Variants in TMEM156 observed in about 807,000 individuals in gnomAD.
TMEM156 encodes the protein transmembrane protein 156.
Under a neutral mutation model 30.5 loss-of-function variants are expected in TMEM156, and 28 were observed. The ratio of observed to expected loss-of-function variants is 0.92; its 90% confidence interval spans 0.68 to 1.26. TMEM156 has a LOEUF of 1.26. Ranked by LOEUF, TMEM156 falls within the 50% of genes most tolerant of loss-of-function variation. The pLI, the probability that TMEM156 is intolerant of heterozygous loss-of-function variation, is 0.00. For missense variants in TMEM156, 351 were observed against 340.6 expected (o/e 1.03, Z -0.24); for synonymous variants, 137 against 119.9 (o/e 1.14, Z -0.93).
chr4:39,014,917 G>A (rs574668699), intron 1 of TMEM156, among the ~76,000 whole-genome samples: 2 of 152,112 alleles, frequency 1.3e-5, no homozygotes, highest in Admixed American at 1.3e-4. Flanking sequence ...AGTTTGGCAG[G>A]AATTGCCTGG....
At chr4:38,993,017 T>C (rs1424720766) in intron 3 of TMEM156, among the ~76,000 whole-genome samples, 5 of 151,198 alleles carry the variant, frequency 3.3e-5, no homozygotes, top group Non-Finnish European at 5.9e-5. Flanking sequence ...CACCTCAGCC[T>C]CCCAAAGTGC....
chr4:38,976,562 C>T (rs776723108), intron 5 of TMEM156, among the ~76,000 whole-genome samples: 3 of 152,158 alleles, frequency 2.0e-5, no homozygotes, highest in African/African-American at 4.8e-5. Context: ...GGTTAAGCCA[C>T]GCACAGATAT....
intron 5 of TMEM156, among the ~76,000 whole-genome samples, chr4:38,982,995 T>A (rs1711697425): frequency 6.6e-6 from 1 of 152,174 alleles, no homozygotes; most frequent in Non-Finnish European, 1.5e-5. Flanking sequence ...GGAGTACCAC[T>A]GTATGGCCTC....
rs1560363950 is a variant in TMEM156 at position 38,989,103 on chromosome 4, A to G, written c.620-133T>C. The G allele has an allele frequency of 3.6e-6, 3 of 834,146 alleles. No homozygotes were observed. The East Asian group carries it at 7.8e-5, about 22-fold the overall frequency. The allele number at this position is 834,146 out of a possible 1,614,324, so 51.7% of individuals were successfully genotyped here. ...AGCTGAAATTATGACCATCACTGTT[A>G]CAGGGTCACTAGCTCTCCTGAATTC... On this transcript the variant is annotated intron_variant, in intron 3 of 6. Transcript: ENST00000381938.
At chr4:38,999,384 T>C (rs1047228113) in intron 1 of TMEM156, among the ~76,000 whole-genome samples, 1 of 152,192 alleles carries the variant, frequency 6.6e-6, no homozygotes, top group Non-Finnish European at 1.5e-5. Context: ...AGAAGAGGTG[T>C]CTTTATAAAG....
At chr4:38,990,713 G>C (rs191583553) in intron 3 of TMEM156, among the ~76,000 whole-genome samples, 27 of 151,962 alleles carry the variant, frequency 1.8e-4, no homozygotes, top group Admixed American at 8.5e-4. Context: ...TTATCTCAGA[G>C]TAAATTTGCC....
intron 1 of TMEM156, among the ~76,000 whole-genome samples, chr4:39,003,043 A>C (rs917140523): frequency 1.3e-5 from 2 of 152,198 alleles, no homozygotes; most frequent in Non-Finnish European, 2.9e-5. Context: ...TAATAAAAAA[A>C]TTTAAAAAAT....
Position 39,032,316 on chromosome 4 carries a change from C to G in TMEM156, c.-3G>C, listed in dbSNP as rs1471383193. ...TTAAGGAGGGCTGTTTTTGTCATGT[C>G]TCTTCACATGACACAAATGTGTTCC... On this transcript the variant is annotated 5_prime_UTR_variant, in exon 1 of 7. Coordinates refer to ENST00000381938, the MANE Select transcript of TMEM156 (RefSeq NM_024943.3). 6.3e-7 allele frequency: 1 copy of G among 1,580,116 alleles called. No individual in the cohort carries two copies. Among genetic ancestry groups the G allele is most frequent in the East Asian group, 2.2e-5 (1 of 44,600 alleles).
intron 1 of TMEM156, among the ~76,000 whole-genome samples, chr4:39,004,752 T>G (rs1035191555): frequency 6.6e-6 from 1 of 152,188 alleles, no homozygotes; most frequent in African/African-American, 2.4e-5. Flanking sequence ...TGAATAATGT[T>G]GCTGTGAACT....
At chr4:38,988,445 T>A (rs1480249879) in intron 4 of TMEM156, among the ~76,000 whole-genome samples, 2 of 139,058 alleles carry the variant, frequency 1.4e-5, no homozygotes, top group East Asian at 4.4e-4. Flanking sequence ...GCTGGTCTGC[T>A]GGTCTCAATC....
At chr4:39,011,076 C>A (rs1371585187) in intron 1 of TMEM156, among the ~76,000 whole-genome samples, 2 of 151,754 alleles carry the variant, frequency 1.3e-5, no homozygotes, top group Non-Finnish European at 2.9e-5. Flanking sequence ...AGAAAAAAAC[C>A]AACCCCATTA....
At chr4:38,993,355 C>G (rs989231873) in intron 3 of TMEM156, among the ~76,000 whole-genome samples, 1 of 151,804 alleles carries the variant, frequency 6.6e-6, no homozygotes, top group Non-Finnish European at 1.5e-5. Context: ...CACCTGAGCC[C>G]GGGGAAGTCA....
chr4:38,975,424 C>G (rs1012089123), intron 5 of TMEM156, among the ~76,000 whole-genome samples: 1 of 149,476 alleles, frequency 6.7e-6, no homozygotes, highest in Non-Finnish European at 1.5e-5. Context: ...GCTTTTTCAC[C>G]CAAGCTGGAG....
chr4:39,013,496 T>C (rs1256853780), intron 1 of TMEM156, among the ~76,000 whole-genome samples: 2 of 151,642 alleles, frequency 1.3e-5, no homozygotes, highest in Non-Finnish European at 2.9e-5. Context: ...GCCTCCTGGA[T>C]TCAAGCGATT....
intron 1 of TMEM156, among the ~76,000 whole-genome samples, chr4:39,005,331 G>C (rs1713657623): frequency 2.6e-5 from 4 of 152,238 alleles, no homozygotes; most frequent in Non-Finnish European, 5.9e-5. Context: ...TTTCCCCCAG[G>C]CTATTCTTGG....
intron 1 of TMEM156, among the ~76,000 whole-genome samples, chr4:39,024,225 G>A (rs1369037496): frequency 3.3e-5 from 5 of 152,226 alleles, no homozygotes; most frequent in Middle Eastern, 3.4e-3. Context: ...TAGTAGAGAT[G>A]TGGTTTCACC....
In TMEM156 at chr4:38,998,798, G is replaced by A. The variant is rs1302052140; in HGVS notation, c.200C>T (p.Thr67Ile). The change falls in exon 2 of 7, where the codon ACT becomes ATT. Residue 67 changes from threonine (T) to isoleucine (I), a missense_variant. Physicochemically the swap from Thr to Ile is moderately conservative, Grantham distance 89. Transcript: ENST00000381938. ...FVTFLQPVRE[T>I]QIIMRIFLNP... is the part of the protein sequence containing the mutation. ...TAGAAAGATTCTCATGATAATCTGAGTTTCCCTTACTGGTTGCAGAAAAGT... is the reference window on the plus strand; with the variant it reads ...TAGAAAGATTCTCATGATAATCTGAATTTCCCTTACTGGTTGCAGAAAAGT... 5 of 1,613,884 alleles carry A rather than the reference G, an allele frequency of 3.1e-6. No individual in the cohort carries two copies. The highest frequency in any genetic ancestry group is 3.4e-6 in the Non-Finnish European group (4 of 1,179,904).
At chr4:39,023,106 A>G (rs944941554) in intron 1 of TMEM156, among the ~76,000 whole-genome samples, 1 of 152,192 alleles carries the variant, frequency 6.6e-6, no homozygotes, top group Non-Finnish European at 1.5e-5. Context: ...TAGTGTCCTT[A>G]TAAGAAGAGA....
chr4:38,993,355 C>A (rs989231873), intron 3 of TMEM156, among the ~76,000 whole-genome samples: 1 of 151,804 alleles, frequency 6.6e-6, no homozygotes, highest in Admixed American at 6.6e-5. Flanking sequence ...CACCTGAGCC[C>A]GGGGAAGTCA....
Sources: allele counts gnomAD v4.1 joint callset (sites outside exome capture counted in the v4.1 genomes callset), GRCh38; gene constraint gnomAD v4.1.1; transcripts MANE v1.5; gene names NCBI Gene and HGNC (gene_info 2026-07-23, HGNC 2026-07-21).